Variants in RANBP2 observed in about 807,000 individuals in gnomAD.
RANBP2 encodes RAN binding protein 2, also known as E3 SUMO-protein ligase RanBP2.
RANBP2 carries 57 observed loss-of-function variants against 303.6 expected under a neutral mutation model. The ratio of observed to expected loss-of-function variants is 0.19; its 90% CI spans 0.15 to 0.23. RANBP2 has a LOEUF of 0.23. Among genes scored for constraint, RANBP2 ranks in the 10% least tolerant of loss-of-function variants. The pLI, the probability that RANBP2 is intolerant of heterozygous loss-of-function variation, is 1.00. For synonymous variants in RANBP2, 1,167 were observed against 1,301.5 expected (o/e 0.90, Z 2.23); for missense variants, 3,138 against 3,780.8 (o/e 0.83, Z 4.46).
At chr2:109,509,619 C>G in the RANBP2 span, among the ~76,000 whole-genome samples, 4 of 152,050 alleles carry the variant, frequency 2.6e-5, no homozygotes, top group East Asian at 1.9e-4. Flanking sequence ...GTGGTCAAGT[C>G]AGGAGTTTTA....
At chr2:109,694,525 G>C in the RANBP2 span, among the ~76,000 whole-genome samples, 1 of 151,450 alleles carries the variant, frequency 6.6e-6, no homozygotes, top group African/African-American at 2.4e-5. Context: ...TGCCTGAACT[G>C]GTAAGCATAA....
chr2:108,724,442 G>A (rs905221794), intron 1 of RANBP2, among the ~76,000 whole-genome samples: 11 of 152,092 alleles, frequency 7.2e-5, no homozygotes, highest in Non-Finnish European at 1.5e-4. Flanking sequence ...TTTGGTTATC[G>A]AATTCTGAGT....
the RANBP2 span, among the ~76,000 whole-genome samples, chr2:109,581,493 A>G: frequency 6.6e-6 from 1 of 151,960 alleles, no homozygotes; most frequent in African/African-American, 2.4e-5. Flanking sequence ...ATATATTAAT[A>G]AAGCTTATTT....
the RANBP2 span, among the ~76,000 whole-genome samples, chr2:109,016,614 G>A: frequency 0.01 from 1,555 of 152,282 alleles, 26 homozygotes; most frequent in African/African-American, 0.035. Context: ...CCTCATCCAC[G>A]AGAGCAAGCC....
At chr2:109,257,730 C>G in the RANBP2 span, among the ~76,000 whole-genome samples, 8 of 152,108 alleles carry the variant, frequency 5.3e-5, no homozygotes, top group Non-Finnish European at 1.2e-4. Flanking sequence ...CTCCCTGTCT[C>G]AGTGTCCAAA....
At chr2:109,712,902 C>T in the RANBP2 span, among the ~76,000 whole-genome samples, 2 of 152,154 alleles carry the variant, frequency 1.3e-5, no homozygotes, top group African/African-American at 4.8e-5. Flanking sequence ...CTGTGCTGTG[C>T]GCCAGAGCGA....
chr2:109,201,404 ATCTC>A, the RANBP2 span, among the ~76,000 whole-genome samples: 1 of 151,910 alleles, frequency 6.6e-6, no homozygotes, highest in Non-Finnish European at 1.5e-5. Context: ...TGTTTCCCGG[ATCTC>A]TCTGTCTCCA....
chr2:109,146,107 T>C, the RANBP2 span, among the ~76,000 whole-genome samples: 3 of 152,162 alleles, frequency 2.0e-5, no homozygotes, highest in East Asian at 5.8e-4. Context: ...TTAGATTTAG[T>C]GAAGGTGAGG....
At chr2:109,597,001 T>A in the RANBP2 span, among the ~76,000 whole-genome samples, 1 of 152,180 alleles carries the variant, frequency 6.6e-6, no homozygotes, top group African/African-American at 2.4e-5. Flanking sequence ...TGGAGTGCAG[T>A]GGCATGATCT....
the RANBP2 span, among the ~76,000 whole-genome samples, chr2:109,540,530 A>T: frequency 3.3e-5 from 5 of 152,092 alleles, no homozygotes; most frequent in Non-Finnish European, 7.3e-5. Context: ...TTCTCTTAAT[A>T]TACTGAAAAT....
chr2:109,029,456 G>C, the RANBP2 span, among the ~76,000 whole-genome samples: 15 of 152,240 alleles, frequency 9.9e-5, no homozygotes, highest in African/African-American at 3.6e-4. Flanking sequence ...ACTGATGCCT[G>C]AAGTTATTGA....
the RANBP2 span, among the ~76,000 whole-genome samples, chr2:109,164,433 C>T: frequency 6.6e-6 from 1 of 152,220 alleles, no homozygotes; most frequent in Non-Finnish European, 1.5e-5. Context: ...GTTCTCCTGC[C>T]TCAGCTTCCT....
chr2:109,519,605 G>GA, the RANBP2 span, among the ~76,000 whole-genome samples: 1 of 152,168 alleles, frequency 6.6e-6, no homozygotes, highest in African/African-American at 2.4e-5. Context: ...GTTGTGACTT[G>GA]AAAATTCTGT....
At chr2:109,021,630 T>G in the RANBP2 span, among the ~76,000 whole-genome samples, 1 of 151,482 alleles carries the variant, frequency 6.6e-6, no homozygotes, top group Non-Finnish European at 1.5e-5. Flanking sequence ...AGAAGACGGC[T>G]GGCAGGTATG....
At chr2:109,621,373 G>A in the RANBP2 span, among the ~76,000 whole-genome samples, 8,289 of 151,904 alleles carry the variant, frequency 0.055, 316 homozygotes, top group Non-Finnish European at 0.085. Context: ...GGATGGTCTC[G>A]ATCTCCTGAC....
At chr2:108,980,506 G>A in the RANBP2 span, among the ~76,000 whole-genome samples, 1 of 144,514 alleles carries the variant, frequency 6.9e-6, no homozygotes, top group African/African-American at 2.8e-5. Context: ...GTGATATTAT[G>A]TGTGTATGTA....
At chr2:109,639,797 A>G in the RANBP2 span, among the ~76,000 whole-genome samples, 1 of 150,134 alleles carries the variant, frequency 6.7e-6, no homozygotes, top group South Asian at 2.1e-4. Context: ...GGCAACCTCC[A>G]CCTCCTGGGT....
the RANBP2 span, among the ~76,000 whole-genome samples, chr2:108,836,985 T>A: frequency 9.1e-4 from 138 of 152,274 alleles, 1 homozygote; most frequent in South Asian, 0.016. Context: ...TTTCGACATA[T>A]AAGGTCATGC....
the RANBP2 span, among the ~76,000 whole-genome samples, chr2:109,350,038 C>T: frequency 3.9e-4 from 60 of 152,326 alleles, no homozygotes; most frequent in African/African-American, 1.4e-3. Flanking sequence ...CAGAGGCTCA[C>T]GAGCTGCATC....
Sources: allele counts gnomAD v4.1 joint callset (sites outside exome capture counted in the v4.1 genomes callset), GRCh38; gene constraint gnomAD v4.1.1; transcripts MANE v1.5; gene names NCBI Gene and HGNC (gene_info 2026-07-23, HGNC 2026-07-21).